The following UBR2 variants were observed in gnomAD, a reference collection of about 807,000 sequenced individuals.
UBR2 encodes the protein E3 ubiquitin-protein ligase UBR2.
Under a neutral mutation model 247.9 loss-of-function variants are expected in UBR2, and 92 were observed. That is an observed-to-expected ratio of 0.37 (90% confidence interval 0.31 to 0.44). The LOEUF (loss-of-function observed/expected upper bound fraction) is 0.44, where lower values mean the gene tolerates loss of function less well. UBR2 is among the 20% of genes least tolerant of loss of function. UBR2 has a pLI of 1.00. For missense variants in UBR2, 1,613 were observed against 2,112.6 expected (o/e 0.76, Z 4.64); for synonymous variants, 672 against 693.5 (o/e 0.97, Z 0.49).
intron 42 of UBR2, among the ~76,000 whole-genome samples, chr6:42,682,486 A>C (rs1799116281): frequency 6.6e-6 from 1 of 151,894 alleles, no homozygotes; most frequent in Non-Finnish European, 1.5e-5. Context: ...GCTTGAGTGC[A>C]CTGGCACAGT....
chr6:42,636,417 G>A lies in UBR2; in HGVS notation c.1675-594G>A, dbSNP rs528113268. Among the ~76,000 whole-genome samples the A allele has an allele frequency of 5.3e-5, 8 of 152,094 alleles. No individual in the cohort carries two copies. In the South Asian group the frequency reaches 8.3e-4, roughly 16 times the overall value. ...TGGTCTTGAATTCCTGGGCTCAAGCGATCTGCTTGCCTCGGCCTCCCAAAG... is the reference window on the plus strand; with the variant it reads ...TGGTCTTGAATTCCTGGGCTCAAGCAATCTGCTTGCCTCGGCCTCCCAAAG... On this transcript the variant is annotated intron_variant, in intron 14 of 46. Coordinates refer to ENST00000372901, the MANE Select transcript of UBR2 (RefSeq NM_001363705.2).
At chr6:42,614,973 C>A in intron 8 of UBR2, 98 bp from the exon 9 acceptor site, 1 of 940,756 alleles carries the variant, frequency 1.1e-6, no homozygotes, top group Non-Finnish European at 1.5e-6. Flanking sequence ...TTTAAGAAAA[C>A]ATTTAAAACT....
Position 42,637,134 on chromosome 6 carries a change from A to G in UBR2, c.1798A>G (p.Arg600Gly), listed in dbSNP as rs1430809921. Residue 600 changes from arginine (R) to glycine (G), a missense_variant, in exon 15 of 47, where the codon AGA (arginine) becomes GGA (glycine). This residue lies in a region of UBR2 where 1,524 missense variants were observed against 1,967.3 expected (regional missense o/e 0.77). Coordinates refer to ENST00000372901, the MANE Select transcript of UBR2 (RefSeq NM_001363705.2). ...SICGHSVETI[R>G]YCVSQEKVSI... Reference sequence around the variant, plus strand: ...TTGTGGACATTCAGTGGAAACTATCAGATACTGTGTTTCCCAAGAAAAAGT... The same window carrying G: ...TTGTGGACATTCAGTGGAAACTATCGGATACTGTGTTTCCCAAGAAAAAGT... 6.2e-7 allele frequency: 1 copy of G among 1,614,014 alleles called. No homozygotes were observed. Among genetic ancestry groups the G allele is most frequent in the Non-Finnish European group, 8.5e-7 (1 of 1,179,990 alleles).
chr6:42,688,111 G>T, intron 44 of UBR2, 105 bp from the exon 45 acceptor site: 1 of 1,319,850 alleles, frequency 7.6e-7, no homozygotes, highest in Non-Finnish European at 1.1e-6. Flanking sequence ...ACACTTCTTT[G>T]GCTTTACTTG....
chr6:42,599,058 G>A (rs997587884), intron 4 of UBR2, among the ~76,000 whole-genome samples: 10 of 152,010 alleles, frequency 6.6e-5, no homozygotes, highest in African/African-American at 2.4e-4. Context: ...CAAGTAGCTG[G>A]GATGTAGATG....
At chr6:42,640,637 G>T (rs1459732647) in intron 16 of UBR2, among the ~76,000 whole-genome samples, 1 of 152,078 alleles carries the variant, frequency 6.6e-6, no homozygotes, top group African/African-American at 2.4e-5. Flanking sequence ...CTTCCATGGG[G>T]GACGTCAGTC....
At chr6:42,675,565 A>T (rs1177583985) in intron 38 of UBR2, among the ~76,000 whole-genome samples, 5 of 152,188 alleles carry the variant, frequency 3.3e-5, no homozygotes, top group Non-Finnish European at 7.3e-5. Flanking sequence ...AAGTCATTTC[A>T]TGTAGCCAGT....
chr6:42,596,263 A>G (rs901683638), intron 4 of UBR2, among the ~76,000 whole-genome samples: 5 of 151,732 alleles, frequency 3.3e-5, no homozygotes, highest in African/African-American at 9.7e-5. Flanking sequence ...GATGCTGAAC[A>G]TCATTAGTCA....
At chr6:42,677,699 G>A (rs115693438) in intron 40 of UBR2, among the ~76,000 whole-genome samples, 174 of 152,166 alleles carry the variant, frequency 1.1e-3, no homozygotes, top group African/African-American at 4.0e-3. Flanking sequence ...AGATCACCCA[G>A]GCAGGTGAAG....
intron 7 of UBR2, among the ~76,000 whole-genome samples, chr6:42,610,362 G>A (rs748717291): frequency 3.3e-5 from 5 of 152,118 alleles, no homozygotes; most frequent in South Asian, 2.1e-4. Context: ...TTGAAAACAG[G>A]TTTCAAAGAG....
chr6:42,667,670 T>A, intron 34 of UBR2, among the ~76,000 whole-genome samples: 1 of 140,858 alleles, frequency 7.1e-6, no homozygotes, highest in African/African-American at 2.6e-5. Flanking sequence ...AGTTAATAAT[T>A]ACCTTGTCTT....
At chr6:42,682,733 T>C (rs1035969436) in intron 42 of UBR2, among the ~76,000 whole-genome samples, 47 of 152,232 alleles carry the variant, frequency 3.1e-4, no homozygotes, top group African/African-American at 1.1e-3. Context: ...TTATTTTTAA[T>C]ATGAATGTTC....
At position 42,624,952 on chromosome 6, in the gene UBR2, G is replaced by A. The variant is rs116449418; in HGVS notation, c.1281+7445G>A. Among the ~76,000 whole-genome samples, 177 of 152,246 alleles carry A rather than the reference G, an allele frequency of 1.2e-3. 1 individual carries two copies. Among genetic ancestry groups the A allele is most frequent in the Non-Finnish European group, 4.1e-4 (28 of 68,014 alleles). On this transcript the variant is annotated intron_variant, in intron 11 of 46. Transcript: ENST00000372901. ...GACTTTCATTAGTTTTATAAAGGCA[G>A]TTTCCTTTTGGAAAGGGCTATTATC...
At position 42,685,631 on chromosome 6, in the gene UBR2, A is replaced by AT. The variant is rs371260470; in HGVS notation, c.4853+770dup. Among the ~76,000 whole-genome samples, 234 of 149,280 alleles carry AT rather than the reference A, an allele frequency of 1.6e-3. 1 individual carries two copies. The highest frequency in any genetic ancestry group is 4.9e-3 in the African/African-American group (201 of 40,720). The stretch of plus-strand genomic sequence containing the variant: ...AGGCATGCACCACAACGCCCAGCTA[A>AT]TTTTTTTTTTGTATTTTTAGTATCA... On this transcript the variant is annotated intron_variant, in intron 44 of 46. Coordinates refer to ENST00000372901, the MANE Select transcript of UBR2 (RefSeq NM_001363705.2).
At chr6:42,580,746 T>C (rs978788876) in intron 2 of UBR2, among the ~76,000 whole-genome samples, 5 of 152,204 alleles carry the variant, frequency 3.3e-5, no homozygotes, top group Non-Finnish European at 5.9e-5. Context: ...TTTCACCATG[T>C]TGGCCAGGAT....
chr6:42,642,453 T>C lies in UBR2; in HGVS notation c.2069T>C (p.Met690Thr). Residue 690 changes from methionine (M) to threonine (T), a missense_variant, in exon 18 of 47, where the codon ATG (methionine) becomes ACG (threonine). Met to Thr is a moderately conservative substitution (Grantham distance 81). Transcript: ENST00000372901. ...YYHNVKCRRE[M>T]FDKDVVMLQT... ...CATAATGTGAAATGCAGACGTGAGA[T>C]GTTTGACAAGGATGTAGTAATGCTT... 1 of 1,611,774 alleles carries C rather than the reference T, an allele frequency of 6.2e-7. No homozygotes were observed. The highest frequency in any genetic ancestry group is 1.1e-5 in the South Asian group (1 of 90,924).
intron 25 of UBR2, among the ~76,000 whole-genome samples, chr6:42,654,582 A>G (rs1473095054): frequency 6.6e-6 from 1 of 152,088 alleles, no homozygotes; most frequent in African/African-American, 2.4e-5. Context: ...AAAATTAGCC[A>G]ATCGTCATGG....
intron 11 of UBR2, chr6:42,619,718 G>T: frequency 6.5e-6 from 1 of 154,538 alleles, no homozygotes; most frequent in Non-Finnish European, 1.4e-5. Context: ...GCGACAGAGC[G>T]AGATTCGGTA....
At chr6:42,664,908 C>T (rs1489504867) in intron 32 of UBR2, among the ~76,000 whole-genome samples, 3 of 152,138 alleles carry the variant, frequency 2.0e-5, no homozygotes, top group Non-Finnish European at 4.4e-5. Flanking sequence ...CTTATTCGGC[C>T]TTAGTCAAGT....
Sources: gnomAD v4.1 joint callset for allele counts (sites outside exome capture counted in the v4.1 genomes callset) on GRCh38, gnomAD v4.1.1 for gene constraint, gnomAD v4.1.1 regional missense constraint, MANE v1.5 for transcripts, NCBI Gene and HGNC (gene_info 2026-07-23, HGNC 2026-07-21) for gene names.